Variants in ATP9B observed in about 807,000 individuals in gnomAD.
ATP9B encodes the protein ATPase phospholipid transporting 9B.
ATP9B carries 110 observed loss-of-function variants against 146.1 expected under a neutral mutation model. That is an observed-to-expected ratio of 0.75 (90% CI 0.65 to 0.88). The LOEUF is 0.88. Ranked by LOEUF, ATP9B falls within the 40% of genes least tolerant of loss-of-function variation. The pLI, the probability that ATP9B is intolerant of heterozygous loss-of-function variation, is 0.00. For synonymous variants in ATP9B, 604 were observed against 569.7 expected, an observed-to-expected ratio of 1.06 and a Z score of -0.86; for missense variants, 1,499 against 1,496.4, an observed-to-expected ratio of 1.00 and a Z score of -0.03.
At chr18:79,235,468 GGTCA>G (rs536246013) in intron 11 of ATP9B, among the ~76,000 whole-genome samples, 1 of 151,622 alleles carries the variant, frequency 6.6e-6, no homozygotes, top group Non-Finnish European at 1.5e-5. Flanking sequence ...TATTATTGAC[GGTCA>G]GTATTTGAAT....
At chr18:79,221,261 G>A (rs2095674003) in intron 11 of ATP9B, among the ~76,000 whole-genome samples, 1 of 152,072 alleles carries the variant, frequency 6.6e-6, no homozygotes. Context: ...AGTCATCCCA[G>A]CCCCACCAGA....
At chr18:79,143,539 A>G (rs2094539834) in intron 5 of ATP9B, among the ~76,000 whole-genome samples, 1 of 152,316 alleles carries the variant, frequency 6.6e-6, no homozygotes, top group East Asian at 1.9e-4. Flanking sequence ...AAACATGGGA[A>G]TAATCTTCTG....
intron 15 of ATP9B, among the ~76,000 whole-genome samples, chr18:79,310,371 A>G (rs961542540): frequency 1.3e-5 from 2 of 152,250 alleles, no homozygotes; most frequent in African/African-American, 4.8e-5. Context: ...CTTATGAGTA[A>G]TAACTAGAAC....
chr18:79,353,361 C>T (rs1043127061), intron 25 of ATP9B: 4 of 152,290 alleles, frequency 2.6e-5, no homozygotes, highest in Non-Finnish European at 2.9e-5. Context: ...GGAGCTTCCA[C>T]GCAGACCAGC....
chr18:79,274,791 T>C (rs2096289697), intron 12 of ATP9B, among the ~76,000 whole-genome samples: 2 of 152,252 alleles, frequency 1.3e-5, no homozygotes, highest in African/African-American at 2.4e-5. Flanking sequence ...TACTGCTTTA[T>C]ACAATCTTCC....
chr18:79,335,768 G>A (rs1018954915), intron 17 of ATP9B, among the ~76,000 whole-genome samples: 2 of 152,254 alleles, frequency 1.3e-5, no homozygotes, highest in African/African-American at 4.8e-5. Context: ...AATAGAGCAA[G>A]AAGAACTTAC....
intron 7 of ATP9B, among the ~76,000 whole-genome samples, chr18:79,163,864 TTTTATAC>T (rs1227709965): frequency 1.1e-5 from 1 of 89,190 alleles, no homozygotes; most frequent in African/African-American, 6.1e-5. Flanking sequence ...TCATATTTTA[TTTTATAC>T]ACACACACAC....
Position 79,239,703 on chromosome 18 carries a change from C to T in ATP9B, c.1108-13678C>T, listed in dbSNP as rs2095871644. 6.6e-6 allele frequency among the ~76,000 whole-genome samples: 1 copy of T among 152,176 alleles called. No homozygotes were observed. Among genetic ancestry groups the T allele is most frequent in the Non-Finnish European group, 1.5e-5 (1 of 68,038 alleles). On this transcript the variant is annotated intron_variant, in intron 11 of 29. Coordinates refer to ENST00000426216, the MANE Select transcript of ATP9B (RefSeq NM_198531.5). The surrounding 1 kb of genome is among the most constrained non-coding windows in gnomAD (Gnocchi z 5.1). ...GGCACTTGACTGCAGTTTCTTTTAT[C>T]ATGTAAATTTCTTTCATGTAAGTTA...
chr18:79,160,329 T>A (rs917648039), intron 7 of ATP9B, among the ~76,000 whole-genome samples: 5 of 152,356 alleles, frequency 3.3e-5, no homozygotes, highest in East Asian at 3.9e-4. Context: ...TTTTGGCAAT[T>A]TTCACTAGTC....
chr18:79,255,271 A>G (rs912213491), intron 12 of ATP9B: 5 of 152,194 alleles, frequency 3.3e-5, no homozygotes, highest in South Asian at 2.1e-4. Context: ...ATAACCAGAA[A>G]GTAACCTGCC....
chr18:79,200,761 A>AGTGT (rs2095473753), intron 9 of ATP9B, among the ~76,000 whole-genome samples: 1 of 152,246 alleles, frequency 6.6e-6, no homozygotes, highest in Admixed American at 6.5e-5. Flanking sequence ...GGAGGTGGGA[A>AGTGT]CGTTGGGGTC....
chr18:79,277,500 A>G (rs951904880), intron 13 of ATP9B, among the ~76,000 whole-genome samples: 2 of 152,134 alleles, frequency 1.3e-5, no homozygotes, highest in African/African-American at 4.8e-5. Flanking sequence ...CTACCTTTGT[A>G]ACACCTCCCT....
chr18:79,277,630 G>T (rs1200156983), intron 13 of ATP9B, among the ~76,000 whole-genome samples: 2 of 152,024 alleles, frequency 1.3e-5, no homozygotes, highest in East Asian at 3.9e-4. Flanking sequence ...CTCCTAAAAA[G>T]CTTTACTACA....
At chr18:79,215,985 C>T (rs1299373922) in intron 11 of ATP9B, among the ~76,000 whole-genome samples, 3 of 152,068 alleles carry the variant, frequency 2.0e-5, no homozygotes, top group Non-Finnish European at 2.9e-5. Flanking sequence ...CCACCGCACC[C>T]GACCACAAAA....
chr18:79,104,009 T>C (rs1170799471), intron 2 of ATP9B, among the ~76,000 whole-genome samples: 1 of 152,148 alleles, frequency 6.6e-6, no homozygotes, highest in East Asian at 1.9e-4. Flanking sequence ...AGAGTCCCTT[T>C]TGTGACAGCT....
chr18:79,295,287 A>T (rs534906854), intron 13 of ATP9B, among the ~76,000 whole-genome samples: 1 of 152,360 alleles, frequency 6.6e-6, no homozygotes, highest in East Asian at 1.9e-4. Context: ...TCAGAAATAC[A>T]TTGGTCTAGC....
chr18:79,143,469 ATGC>A (rs1444079464), intron 5 of ATP9B, among the ~76,000 whole-genome samples: 1 of 152,194 alleles, frequency 6.6e-6, no homozygotes, highest in African/African-American at 2.4e-5. Context: ...TTAAGTTTTA[ATGC>A]TGAGATCATT....
At chr18:79,342,458 C>T (rs887015699) in intron 20 of ATP9B, 92 bp downstream of exon 20, 3 of 801,754 alleles carry the variant, frequency 3.7e-6, no homozygotes, top group Non-Finnish European at 3.8e-6. Context: ...ATTTATTAAT[C>T]ACTAAATATC....
At chr18:79,326,462 T>G (rs626836) in intron 15 of ATP9B, among the ~76,000 whole-genome samples, 3 of 63,100 alleles carry the variant, frequency 4.8e-5, no homozygotes, top group Admixed American at 4.7e-4. Flanking sequence ...TGCACACTCC[T>G]TCCCCTCACA....
Sources: gnomAD v4.1 joint callset for allele counts (sites outside exome capture counted in the v4.1 genomes callset) on GRCh38, gnomAD v4.1.1 for gene constraint, Gnocchi (gnomAD v3.1) non-coding constraint, MANE v1.5 for transcripts, NCBI Gene and HGNC (gene_info 2026-07-23, HGNC 2026-07-21) for gene names.